Variants in ROBO1 observed in about 807,000 individuals in gnomAD.
ROBO1 encodes the protein roundabout homolog 1.
ROBO1 carries 149 observed loss-of-function variants against 195.9 expected under a neutral mutation model. That is an observed-to-expected ratio of 0.76 (90% CI 0.67 to 0.87). ROBO1 has a LOEUF of 0.87. Ranked by LOEUF, ROBO1 falls within the 40% of genes least tolerant of loss-of-function variation. The probability of loss-of-function intolerance (pLI) is 0.00; values close to 1 mark genes in which losing one functional copy is unlikely to be tolerated. For missense variants in ROBO1, 1,933 were observed against 2,068.3 expected (o/e 0.93, Z 1.27); for synonymous variants, 816 against 733.2 (o/e 1.11, Z -1.82).
intron 3 of ROBO1, among the ~76,000 whole-genome samples, chr3:79,015,936 C>T (rs1209923491): frequency 6.6e-6 from 1 of 152,136 alleles, no homozygotes; most frequent in African/African-American, 2.4e-5. Context: ...GAACTGACAA[C>T]CAATAGATGC....
At chr3:78,878,284 G>A (rs937238974) in intron 4 of ROBO1, among the ~76,000 whole-genome samples, 6 of 152,124 alleles carry the variant, frequency 3.9e-5, no homozygotes, top group Admixed American at 1.3e-4. Flanking sequence ...GCTGTGAGAT[G>A]TGTAATTTTA....
Position 79,519,645 on chromosome 3 carries a change from A to G in ROBO1, c.88+70179T>C, listed in dbSNP as rs540844606. Among the ~76,000 whole-genome samples, 744 of 149,974 alleles carry G rather than the reference A, an allele frequency of 5.0e-3. 2 individuals are homozygous for G. The highest frequency in any genetic ancestry group is 0.018 in the Middle Eastern group (5 of 284). On this transcript the variant is annotated intron_variant, in intron 2 of 30. Transcript: ENST00000464233. ...CTCCTGCTCAAAAAAAAAAAAAAAA[A>G]AAAAGAAAAGAAAAAAGAAATGTAT...
chr3:79,157,472 GA>G (rs1178443654), intron 2 of ROBO1, among the ~76,000 whole-genome samples: 1 of 151,642 alleles, frequency 6.6e-6, no homozygotes, highest in Non-Finnish European at 1.5e-5. Flanking sequence ...GTGTTGGAAG[GA>G]AAAAAACACA....
intron 4 of ROBO1, among the ~76,000 whole-genome samples, chr3:78,838,307 G>A (rs1489944379): frequency 2.0e-5 from 3 of 152,176 alleles, no homozygotes; most frequent in Non-Finnish European, 2.9e-5. Flanking sequence ...TGTACTTCAG[G>A]ATGAATACAT....
intron 3 of ROBO1, among the ~76,000 whole-genome samples, chr3:79,072,621 G>A (rs2108440232): frequency 6.6e-6 from 1 of 151,954 alleles, no homozygotes; most frequent in Non-Finnish European, 1.5e-5. Flanking sequence ...CTGAGGATGT[G>A]GATTTGGAAC....
intron 21 of ROBO1, 72 bp from the exon 22 acceptor site, chr3:78,639,970 T>C (rs1705836092): frequency 6.5e-6 from 8 of 1,224,876 alleles, no homozygotes; most frequent in East Asian, 2.6e-5. Context: ...AAAATTCCAA[T>C]AAATTCCTCA....
intron 2 of ROBO1, among the ~76,000 whole-genome samples, chr3:79,460,735 AT>A (rs1937604488): frequency 6.6e-6 from 1 of 151,988 alleles, no homozygotes; most frequent in Admixed American, 6.6e-5. Context: ...TTTAAGCAGT[AT>A]TTTTTTCTTT....
chr3:79,051,960 T>C (rs1430757731), intron 3 of ROBO1, among the ~76,000 whole-genome samples: 1 of 152,088 alleles, frequency 6.6e-6, no homozygotes, highest in African/African-American at 2.4e-5. Context: ...GATGAGTGCA[T>C]TATCTGTACA....
intron 4 of ROBO1, among the ~76,000 whole-genome samples, chr3:78,885,909 T>TTATATATATA (rs10651992): frequency 0.016 from 1,829 of 117,584 alleles, 47 homozygotes; most frequent in African/African-American, 0.029. Flanking sequence ...TAGCAAAATT[T>TTATATATATA]TATATATATA....
rs138511495 is a variant in ROBO1 at position 78,804,922 on chromosome 3, G to A, written c.500-58022C>T. On this transcript the variant is annotated intron_variant, in intron 4 of 30. Coordinates refer to ENST00000464233, the MANE Select transcript of ROBO1 (RefSeq NM_002941.4). ...TTCTCTTTTAAGCTCAGCACTTCTT[G>A]GGCTTGTAAAAGCTCCTTGAAGGTT... is the stretch of plus-strand genomic sequence containing the variant. Among the ~76,000 whole-genome samples the A allele has an allele frequency of 3.0e-3, 450 of 152,106 alleles. 5 individuals are homozygous for A. The highest frequency in any genetic ancestry group is 9.9e-3 in the African/African-American group (412 of 41,488).
At chr3:79,410,180 T>G (rs1434184732) in intron 2 of ROBO1, among the ~76,000 whole-genome samples, 1 of 152,202 alleles carries the variant, frequency 6.6e-6, no homozygotes, top group East Asian at 1.9e-4. Context: ...TTTCCTCATC[T>G]TTAAATGGAA....
chr3:79,032,059 C>A (rs946160789), intron 3 of ROBO1, among the ~76,000 whole-genome samples: 1 of 151,986 alleles, frequency 6.6e-6, no homozygotes, highest in African/African-American at 2.4e-5. Context: ...ACTTATGTGT[C>A]ATGAAATGAG....
At chr3:78,634,416 G>A in intron 23 of ROBO1, 1 of 239,834 alleles carries the variant, frequency 4.2e-6, no homozygotes, top group Non-Finnish European at 9.1e-6. Context: ...CCCCAGAAAT[G>A]CTTCTGCTTA....
At chr3:78,806,381 C>T (rs991192270) in intron 4 of ROBO1, among the ~76,000 whole-genome samples, 6 of 151,978 alleles carry the variant, frequency 3.9e-5, no homozygotes, top group African/African-American at 7.2e-5. Flanking sequence ...TGGGAGGAAG[C>T]GGTATCTAAA....
At chr3:79,293,512 C>T (rs192872897) in intron 2 of ROBO1, among the ~76,000 whole-genome samples, 2 of 151,984 alleles carry the variant, frequency 1.3e-5, no homozygotes, top group Non-Finnish European at 2.9e-5. Context: ...TCCTGTGGTC[C>T]TTTAGTGCTA....
chr3:79,305,125 T>C (rs1424264665), intron 2 of ROBO1, among the ~76,000 whole-genome samples: 1 of 152,150 alleles, frequency 6.6e-6, no homozygotes, highest in Non-Finnish European at 1.5e-5. Context: ...ATGATAACAA[T>C]CACTCACCAA....
chr3:79,322,731 C>T (rs1055639974), intron 2 of ROBO1, among the ~76,000 whole-genome samples: 3 of 152,084 alleles, frequency 2.0e-5, no homozygotes, highest in African/African-American at 7.2e-5. Flanking sequence ...TTTTTCTATT[C>T]ACATCCTTTC....
intron 2 of ROBO1, 96 bp from the exon 3 acceptor site, chr3:79,125,635 T>A (rs758876210): frequency 1.4e-5 from 13 of 901,456 alleles, no homozygotes; most frequent in Non-Finnish European, 2.3e-5. Flanking sequence ...TAAATCCACA[T>A]GTGACAGAAA....
intron 1 of ROBO1, among the ~76,000 whole-genome samples, chr3:79,747,371 TA>T (rs1464436089): frequency 6.6e-6 from 1 of 152,088 alleles, no homozygotes; most frequent in Non-Finnish European, 1.5e-5. Context: ...ATACAGATTT[TA>T]AAAGCACTCT....
Sources: allele counts gnomAD v4.1 joint callset (sites outside exome capture counted in the v4.1 genomes callset), GRCh38; gene constraint gnomAD v4.1.1; transcripts MANE v1.5; gene names NCBI Gene and HGNC (gene_info 2026-07-23, HGNC 2026-07-21).